The following MBNL3 variants were observed in gnomAD, a reference collection of about 807,000 sequenced individuals.
MBNL3 encodes the protein muscleblind like splicing regulator 3.
Under a neutral mutation model 24.5 loss-of-function variants are expected in MBNL3, and 6 were observed. The observed-to-expected ratio is 0.25, with a 90% CI of 0.13 to 0.48. MBNL3 has a LOEUF of 0.48. Among genes scored for constraint, MBNL3 ranks in the 20% least tolerant of loss-of-function variants. The pLI is 0.99. For missense variants in MBNL3, 230 were observed against 293.5 expected (o/e 0.78, Z 1.58); for synonymous variants, 100 against 101.7 (o/e 0.98, Z 0.10).
chrX:132,402,411 A>G (rs1045942123), intron 3 of MBNL3, among the ~76,000 whole-genome samples: 1 of 112,119 alleles, frequency 8.9e-6, no homozygotes, highest in Non-Finnish European at 1.9e-5. Context: ...CCTCATAACT[A>G]AAATTTCTAA....
At chrX:132,464,247 T>C (rs1462243078) in intron 1 of MBNL3, among the ~76,000 whole-genome samples, 1 of 112,509 alleles carries the variant, frequency 8.9e-6, no homozygotes, top group Non-Finnish European at 1.9e-5. Context: ...GGTTATACTT[T>C]TCTTAACACT....
At chrX:132,461,876 C>G (rs1445441873) in intron 1 of MBNL3, among the ~76,000 whole-genome samples, 4 of 111,901 alleles carry the variant, frequency 3.6e-5, no homozygotes, top group Non-Finnish European at 7.5e-5. Flanking sequence ...AAATAATGAA[C>G]CTACATATTT....
chrX:132,440,954 TATTTC>T (rs2148444165), intron 1 of MBNL3, among the ~76,000 whole-genome samples: 1 of 112,717 alleles, frequency 8.9e-6, no homozygotes, highest in South Asian at 3.6e-4. Flanking sequence ...TTCTTAAAAA[TATTTC>T]ATTTAATTTT....
At chrX:132,476,993 C>A (rs1007383225) in intron 1 of MBNL3, among the ~76,000 whole-genome samples, 1 of 111,860 alleles carries the variant, frequency 8.9e-6, no homozygotes, top group Non-Finnish European at 1.9e-5. Context: ...TGCTTATGGG[C>A]AAAGGTATCC....
At chrX:132,481,644 GTGA>G (rs967218934) in intron 1 of MBNL3, among the ~76,000 whole-genome samples, 5 of 111,800 alleles carry the variant, frequency 4.5e-5, no homozygotes, top group Non-Finnish European at 7.5e-5. Context: ...CTTTTATGAT[GTGA>G]TGATGATGAT....
intron 2 of MBNL3, among the ~76,000 whole-genome samples, chrX:132,426,497 T>C (rs981095518): frequency 8.9e-6 from 1 of 111,796 alleles, no homozygotes; most frequent in Admixed American, 9.5e-5. Flanking sequence ...GTCATTTTTT[T>C]TGCACAAGCT....
intron 8 of MBNL3, chrX:132,381,420 A>G: frequency 8.6e-7 from 1 of 1,157,485 alleles, no homozygotes; most frequent in Non-Finnish European, 1.2e-6. Context: ...TCATCTATTG[A>G]TAATTGGGGT....
upstream of MBNL3, among the ~76,000 whole-genome samples, chrX:132,489,663 G>A (rs1344172033): frequency 5.9e-4 from 63 of 106,334 alleles, no homozygotes; most frequent in Non-Finnish European, 1.1e-3. Context: ...CCAGCGAGGG[G>A]CTTTAGGCGC....
chrX:132,434,414 G>A (rs1944988574), intron 2 of MBNL3, among the ~76,000 whole-genome samples: 2 of 112,119 alleles, frequency 1.8e-5, no homozygotes, highest in East Asian at 2.8e-4. Context: ...TGCCCATTAC[G>A]ATCAATGGCA....
chrX:132,413,359 T>A lies in MBNL3; in HGVS notation c.178-6967A>T, dbSNP rs530753184. 4.5e-4 allele frequency: 222 copies of A among 498,741 alleles called. 1 individual carries two copies. The South Asian group carries it at 8.6e-3, about 19-fold the overall frequency. The allele number at this position is 498,741 out of a possible 1,213,427, so 41.1% of individuals were successfully genotyped here. ...ATTTCAGATAAACAGTGAAAAAAAA[T>A]TTTTTAGTATAAGTATGCCCCATAC... On this transcript the variant is annotated intron_variant, in intron 2 of 8. Transcript: ENST00000370853.
chrX:132,463,688 A>G (rs1265379693), intron 1 of MBNL3, among the ~76,000 whole-genome samples: 4 of 111,748 alleles, frequency 3.6e-5, no homozygotes, highest in Non-Finnish European at 5.6e-5. Flanking sequence ...CAATTTTAAA[A>G]AAAAGTATCC....
chrX:132,396,346 A>C (rs768891897), intron 3 of MBNL3, among the ~76,000 whole-genome samples: 8 of 42,280 alleles, frequency 1.9e-4, no homozygotes, highest in South Asian at 1.3e-3. Flanking sequence ...ATATATATTC[A>C]TATATATATA....
At chrX:132,411,453 A>G in intron 2 of MBNL3, 2 of 750,354 alleles carry the variant, frequency 2.7e-6, no homozygotes, top group Non-Finnish European at 3.1e-6. Context: ...GAAACAGTTT[A>G]GGGCTGAATC....
Position 132,378,495 on chromosome X carries a change from A to G in MBNL3, c.*1171T>C, listed in dbSNP as rs1437212222. On this transcript the variant is annotated 3_prime_UTR_variant, in exon 9 of 9. Transcript: ENST00000370853. ...GCATCTTACTTGTTATTCAAAGAGT[A>G]GTCTAAAGAGCATGAGCCATTTGCA... 1 of 112,033 alleles carries G rather than the reference A, an allele frequency of 8.9e-6. No homozygotes were observed. The highest frequency in any genetic ancestry group is 1.9e-5 in the Non-Finnish European group (1 of 53,164). The allele number at this position is 112,033 out of a possible 1,213,427, so 9.2% of individuals were successfully genotyped here.
At chrX:132,409,758 C>G (rs1052019864) in intron 2 of MBNL3, among the ~76,000 whole-genome samples, 1 of 110,418 alleles carries the variant, frequency 9.1e-6, no homozygotes, top group Non-Finnish European at 1.9e-5. Flanking sequence ...TCAACTCTCT[C>G]TCTCTCCCCC....
At chrX:132,480,799 A>C (rs1005154513) in intron 1 of MBNL3, among the ~76,000 whole-genome samples, 3 of 111,908 alleles carry the variant, frequency 2.7e-5, no homozygotes, top group African/African-American at 9.8e-5. Flanking sequence ...ATTAGCTGGC[A>C]GGAAATGCCC....
intron 3 of MBNL3, among the ~76,000 whole-genome samples, chrX:132,401,903 A>G (rs1053156155): frequency 1.8e-5 from 2 of 111,736 alleles, no homozygotes; most frequent in Non-Finnish European, 3.8e-5. Flanking sequence ...TTAGATAAAC[A>G]TATAAGCCTG....
At chrX:132,387,328 CA>C (rs983792810) in intron 5 of MBNL3, among the ~76,000 whole-genome samples, 2 of 52,385 alleles carry the variant, frequency 3.8e-5, no homozygotes, top group Non-Finnish European at 3.8e-5. Context: ...TAGTGCAAAA[CA>C]AAAAAAAATG....
chrX:132,396,972 A>ATG (rs1453882138), intron 3 of MBNL3, among the ~76,000 whole-genome samples: 14 of 83,505 alleles, frequency 1.7e-4, no homozygotes, highest in African/African-American at 6.1e-4. Flanking sequence ...ATATATATGA[A>ATG]TATATATGAA....
Sources: gnomAD v4.1 joint callset for allele counts (sites outside exome capture counted in the v4.1 genomes callset) on GRCh38, gnomAD v4.1.1 for gene constraint, MANE v1.5 for transcripts, NCBI Gene and HGNC (gene_info 2026-07-23, HGNC 2026-07-21) for gene names.